MYOM1: variants seen among roughly 807,000 people sequenced by gnomAD.
MYOM1 encodes the protein myomesin 1, also known as myomesin-1.
A neutral mutation model predicts 205.3 loss-of-function variants in MYOM1; 164 were observed. The observed-to-expected ratio is 0.80, with a 90% CI of 0.70 to 0.91. The LOEUF is 0.91. Among genes scored for constraint, MYOM1 ranks in the 40% least tolerant of loss-of-function variants. The pLI is 0.00. For missense variants in MYOM1, 2,011 were observed against 2,127.3 expected (o/e 0.95, Z 1.08); for synonymous variants, 772 against 789.4 (o/e 0.98, Z 0.37).
chr18:3,188,561 G>A (rs144299754), intron 4 of MYOM1, among the ~76,000 whole-genome samples, 187 bp downstream of exon 4: 18 of 151,898 alleles, frequency 1.2e-4, no homozygotes, highest in African/African-American at 3.9e-4. Context: ...TCCGGGAGGC[G>A]GAGGCTGCAG....
chr18:3,195,741 T>C (rs947070630), intron 2 of MYOM1, among the ~76,000 whole-genome samples: 14 of 152,240 alleles, frequency 9.2e-5, no homozygotes, highest in African/African-American at 3.4e-4. Flanking sequence ...ATTGCTCCTT[T>C]TTCTGTCATT....
intron 13 of MYOM1, among the ~76,000 whole-genome samples, chr18:3,147,008 A>G (rs2080132457): frequency 6.8e-6 from 1 of 146,702 alleles, no homozygotes; most frequent in African/African-American, 2.5e-5. Context: ...AAAAAACAAT[A>G]CCATTTACAG....
chr18:3,142,031 A>T lies in MYOM1; in HGVS notation c.1933T>A (p.Ser645Thr), dbSNP rs780950206. The change falls in exon 14 of 38, where the codon TCT becomes ACT. Residue 645 changes from serine to threonine, a missense_variant. Coordinates refer to ENST00000356443, the MANE Select transcript of MYOM1 (RefSeq NM_003803.4). ...GIVPGPPTDL[S>T]VTEATRSYVV... ...TAGCTCCGGGTGGCCTCAGTGACAG[A>T]GAGGTCTGTCGGGGGGCCAGGCACA... 2.0e-5 allele frequency: 33 copies of T among 1,613,740 alleles called. No individual in the cohort carries two copies. Among genetic ancestry groups the T allele is most frequent in the Non-Finnish European group, 2.6e-5 (31 of 1,179,816 alleles).
chr18:3,088,058 T>C (rs2079176022), intron 29 of MYOM1, among the ~76,000 whole-genome samples: 1 of 152,150 alleles, frequency 6.6e-6, no homozygotes, highest in Non-Finnish European at 1.5e-5. Flanking sequence ...TTCCAGGCAT[T>C]GGAACGACAG....
Position 3,188,939 on chromosome 18 carries a change from T to G in MYOM1, c.580A>C (p.Lys194Gln), listed in dbSNP as rs2080864853. 6.2e-7 allele frequency: 1 copy of G among 1,611,944 alleles called. No homozygotes were observed. Among genetic ancestry groups the G allele is most frequent in the Non-Finnish European group, 8.5e-7 (1 of 1,179,080 alleles). ...STASKQTTAS[K>Q]QSTASKQSTA... ...GACTGCTTGGATGCCGTGGACTGCT[T>G]AGATGCCGTGGTCTGCTTGGATGCC... The change falls in exon 4 of 38, where the codon AAG (lysine) becomes CAG (glutamine). Residue 194 changes from lysine (K) to glutamine (Q), a missense_variant. Physicochemically the swap from Lys to Gln is moderately conservative, Grantham distance 53. Transcript: ENST00000356443.
At chr18:3,090,510 G>A (rs1262154307) in intron 27 of MYOM1, 148 bp downstream of exon 27, 10 of 1,053,352 alleles carry the variant, frequency 9.5e-6, no homozygotes, top group African/African-American at 8.0e-5. Context: ...ATGAGCCACC[G>A]CGCCCAGCTG....
intron 15 of MYOM1, 52 bp from the exon 16 acceptor site, chr18:3,134,876 C>G: frequency 1.3e-6 from 2 of 1,573,502 alleles, no homozygotes; most frequent in East Asian, 4.5e-5. Flanking sequence ...AAAATTCATC[C>G]TTATCATCTA....
At chr18:3,175,979 T>C in intron 6 of MYOM1, 63 bp downstream of exon 6, 2 of 993,076 alleles carry the variant, frequency 2.0e-6, no homozygotes, top group Non-Finnish European at 3.2e-6. Context: ...GGCTGTTAAC[T>C]GCAGGGGTGA....
intron 13 of MYOM1, among the ~76,000 whole-genome samples, chr18:3,144,674 C>T (rs1047399121): frequency 1.3e-5 from 2 of 151,940 alleles, no homozygotes; most frequent in Non-Finnish European, 2.9e-5. Flanking sequence ...CAAAAGAAAG[C>T]TGGAATAGCT....
At chr18:3,116,594 C>T (rs1375354271) in intron 20 of MYOM1, 79 bp from the exon 21 acceptor site, 1 of 1,297,428 alleles carries the variant, frequency 7.7e-7, no homozygotes, top group African/African-American at 1.5e-5. Context: ...ACTTGTAAGT[C>T]TTCAAGCTAA....
chr18:3,216,199 G>A (rs1393017335), intron 1 of MYOM1, among the ~76,000 whole-genome samples: 2 of 152,154 alleles, frequency 1.3e-5, no homozygotes, highest in African/African-American at 4.8e-5. Flanking sequence ...ACTCAGAGGC[G>A]GAGTTTGCAG....
intron 9 of MYOM1, among the ~76,000 whole-genome samples, chr18:3,165,620 T>C (rs949058983): frequency 6.6e-6 from 1 of 152,236 alleles, no homozygotes; most frequent in Non-Finnish European, 1.5e-5. Context: ...TGTACACTTT[T>C]ATTTTATAAT....
intron 25 of MYOM1, among the ~76,000 whole-genome samples, chr18:3,097,731 C>T (rs1305985467): frequency 6.6e-6 from 1 of 152,124 alleles, no homozygotes; most frequent in Non-Finnish European, 1.5e-5. Context: ...TAATCACATT[C>T]TCAGGGTCTC....
chr18:3,126,258 T>G (rs1330276394), intron 19 of MYOM1, among the ~76,000 whole-genome samples: 1 of 126,792 alleles, frequency 7.9e-6, no homozygotes, highest in Non-Finnish European at 1.6e-5. Context: ...GAGCAAGACT[T>G]CATCTCAAAA....
chr18:3,187,767 G>A, intron 4 of MYOM1, 130 bp from the exon 5 acceptor site: 1 of 734,826 alleles, frequency 1.4e-6, no homozygotes, highest in South Asian at 2.2e-5. Flanking sequence ...TTTTTGTAGA[G>A]AAAATGCACT....
At chr18:3,216,778 G>A (rs147545183) in intron 1 of MYOM1, among the ~76,000 whole-genome samples, 67 of 152,306 alleles carry the variant, frequency 4.4e-4, no homozygotes, top group Non-Finnish European at 5.9e-4. Flanking sequence ...CATTCTCGCC[G>A]ATGTCTGAAG....
intron 22 of MYOM1, among the ~76,000 whole-genome samples, chr18:3,109,783 A>T (rs2079499824): frequency 1.3e-5 from 2 of 152,062 alleles, no homozygotes; most frequent in Admixed American, 6.6e-5. Context: ...TATTATTATT[A>T]TTTTTTCTTT....
chr18:3,190,920 G>C (rs1275812933), intron 3 of MYOM1, among the ~76,000 whole-genome samples: 1 of 152,034 alleles, frequency 6.6e-6, no homozygotes, highest in African/African-American at 2.4e-5. Flanking sequence ...AGCTCTAGAG[G>C]GCCAAATGAA....
chr18:3,083,427 C>CTTTTTTTTTTTTTTTTTTTTTTTTTTT (rs35959808), intron 33 of MYOM1, among the ~76,000 whole-genome samples: 9 of 98,526 alleles, frequency 9.1e-5, no homozygotes, highest in Admixed American at 2.7e-4. Flanking sequence ...TTTTCTTTTT[C>CTTTTTTTTTTTTTTTTTTTTTTTTTTT]TTTTTTTTTT....
Sources: gnomAD v4.1 joint callset for allele counts (sites outside exome capture counted in the v4.1 genomes callset) on GRCh38, gnomAD v4.1.1 for gene constraint, MANE v1.5 for transcripts, NCBI Gene and HGNC (gene_info 2026-07-23, HGNC 2026-07-21) for gene names.